Variants in UGDH observed in about 807,000 individuals in gnomAD.
The protein encoded by UGDH is UDP-Glc dehydrogenase.
In UGDH, 38 loss-of-function variants were observed where a neutral mutation model predicts 50.6. The observed-to-expected ratio is 0.75, with a 90% confidence interval of 0.58 to 0.98. The LOEUF is 0.98. Ranked by LOEUF, UGDH falls within the 50% of genes least tolerant of loss-of-function variation. The pLI is 0.00. For missense variants in UGDH, 465 were observed against 606.2 expected, an observed-to-expected ratio of 0.77 and a Z score of 2.45; for synonymous variants, 168 against 199.9, an observed-to-expected ratio of 0.84 and a Z score of 1.35.
chr4:39,514,113 G>A lies in UGDH; in HGVS notation c.234C>T (p.Ala78=), dbSNP rs1746352599. 6.3e-7 allele frequency: 1 copy of A among 1,590,678 alleles called. No homozygotes were observed. The highest frequency in any genetic ancestry group is 1.4e-5 in the African/African-American group (1 of 72,998). ...NLFFSTNIDD[A]IKEADLVFIS... ...TAAATACAAGATCAGCTTCTTTGAT[G>A]GCATCATCAATATTGGTAGAAAAAA... The change falls in exon 3 of 12, where the codon GCC becomes GCT. Residue 78 remains alanine (A), a synonymous_variant. Transcript: ENST00000316423.
Position 39,510,993 on chromosome 4 carries a change from T to G in UGDH, c.265-132A>C. The G allele has an allele frequency of 4.1e-6, 3 of 739,858 alleles. No homozygotes were observed. The South Asian group carries it at 5.5e-5, about 14-fold the overall frequency. 45.8% of individuals were successfully genotyped at this position (739,858 alleles called of 1,614,324 possible). A position where few individuals can be genotyped will look rare whatever the true frequency, so the allele number is the denominator to read the frequency against. On this transcript the variant is annotated intron_variant, in intron 3 of 11. Coordinates refer to ENST00000316423, the MANE Select transcript of UGDH (RefSeq NM_003359.4). The stretch of plus-strand genomic sequence containing the variant: ...CTGATTTAATCCTCTGTTAGTTCCA[T>G]AGAAATAATACATTTTATAAATATA...
In UGDH at chr4:39,498,878, G is replaced by C. The variant is rs1745684842; in HGVS notation, c.*1265C>G. The C allele has an allele frequency of 6.6e-6, 1 of 152,106 alleles. No individual in the cohort carries two copies. The highest frequency in any genetic ancestry group is 2.1e-4 in the South Asian group (1 of 4,828). 9.4% of individuals were successfully genotyped at this position (152,106 alleles called of 1,614,324 possible). ...AAAATTCCTGAAGGATGAGACCTGG[G>C]ATGTTTAATGCAAACTGTACATTCT... On this transcript the variant is annotated 3_prime_UTR_variant, in exon 12 of 12. Transcript: ENST00000316423.
chr4:39,513,205 C>A (rs1578272984), intron 3 of UGDH, among the ~76,000 whole-genome samples: 1 of 152,116 alleles, frequency 6.6e-6, no homozygotes, highest in East Asian at 1.9e-4. Flanking sequence ...GTTACTAGGA[C>A]AGCAAGATGT....
intron 1 of UGDH, among the ~76,000 whole-genome samples, chr4:39,526,053 G>C (rs1260511544): frequency 6.6e-6 from 1 of 152,140 alleles, no homozygotes; most frequent in African/African-American, 2.4e-5. Flanking sequence ...AATCTAAACG[G>C]AATATAATCC....
chr4:39,500,316 G>T, intron 11 of UGDH, 63 bp from the exon 12 acceptor site: 2 of 1,038,260 alleles, frequency 1.9e-6, no homozygotes, highest in Non-Finnish European at 2.8e-6. Flanking sequence ...AATTTATAAT[G>T]TACTGAAATG....
At chr4:39,504,857 C>T (rs895950164) in intron 9 of UGDH, among the ~76,000 whole-genome samples, 3 of 152,140 alleles carry the variant, frequency 2.0e-5, no homozygotes, top group African/African-American at 4.8e-5. Context: ...GATAACTGAA[C>T]CCGTGGAAAG....
At chr4:39,523,105 C>T (rs1746732931) in intron 1 of UGDH, among the ~76,000 whole-genome samples, 1 of 151,994 alleles carries the variant, frequency 6.6e-6, no homozygotes, top group Admixed American at 6.6e-5. Context: ...GGCTGAAGTG[C>T]AGTGGCACCA....
Position 39,510,465 on chromosome 4 carries a change from T to C in UGDH, c.551A>G (p.Glu184Gly). ...CACAGCTCTCTGGCCCTCTGGAGTT[T>C]CATCCCCTCCAATCAGTACTCTGTC... ...NPDRVLIGGDETPEGQRAVQA... is the reference protein window; with the variant it reads ...NPDRVLIGGDGTPEGQRAVQA... The change falls in exon 5 of 12, where the codon GAA becomes GGA. Residue 184 changes from glutamate to glycine, a missense_variant. Physicochemically the swap from Glu to Gly is moderately conservative, Grantham distance 98. Transcript: ENST00000316423. 1 of 1,614,206 alleles carries C rather than the reference T, an allele frequency of 6.2e-7. No homozygotes were observed. Among genetic ancestry groups the C allele is most frequent in the Non-Finnish European group, 8.5e-7 (1 of 1,180,038 alleles).
intron 2 of UGDH, among the ~76,000 whole-genome samples, chr4:39,519,552 A>ATATT (rs1553857746): frequency 1.3e-5 from 2 of 151,632 alleles, no homozygotes; most frequent in African/African-American, 4.8e-5. Context: ...ATATATATAT[A>ATATT]TTTTGAGACG....
chr4:39,514,259 C>T, intron 2 of UGDH, 75 bp from the exon 3 acceptor site: 1 of 1,161,106 alleles, frequency 8.6e-7, no homozygotes, highest in Non-Finnish European at 1.3e-6. Context: ...TATAGAATTA[C>T]ATTTGTTAAA....
At chr4:39,526,991 G>C in intron 1 of UGDH, 1 of 1,287,626 alleles carries the variant, frequency 7.8e-7, no homozygotes, top group African/African-American at 1.5e-5. Flanking sequence ...AGGCGGCAGG[G>C]AAATCTCATC....
chr4:39,518,413 A>G (rs1746516366), intron 2 of UGDH, among the ~76,000 whole-genome samples: 1 of 151,766 alleles, frequency 6.6e-6, no homozygotes, highest in African/African-American at 2.4e-5. Context: ...CAGTGGCGCC[A>G]ACAGGGCTCA....
rs1746836193 is a variant in UGDH at position 39,525,419 on chromosome 4, C to T, written c.-8+1864G>A. ...ATATTGGTCAGGCTGGTCTCGAACT[C>T]CTGACCTCAGGTGATCCATCCACCT... On this transcript the variant is annotated intron_variant, in intron 1 of 11. Coordinates refer to ENST00000316423, the MANE Select transcript of UGDH (RefSeq NM_003359.4). Among the ~76,000 whole-genome samples, 5 of 152,144 alleles carry T rather than the reference C, an allele frequency of 3.3e-5. No homozygotes were observed. The South Asian group carries it at 1.0e-3, about 31-fold the overall frequency.
chr4:39,500,223 T>G lies in UGDH; in HGVS notation c.1405A>C (p.Lys469Gln), dbSNP rs767319348. 1 of 1,600,792 alleles carries G rather than the reference T, an allele frequency of 6.2e-7. No homozygotes were observed. Among genetic ancestry groups the G allele is most frequent in the African/African-American group, 1.3e-5 (1 of 74,628 alleles). Residue 469 changes from lysine to glutamine, a missense_variant, in exon 12 of 12, where the codon AAG becomes CAG. Lys to Gln is a moderately conservative substitution (Grantham distance 53). Transcript: ENST00000316423. The stretch of plus-strand genomic sequence containing the variant: ...CCAGAAGGAGCATATGGAATTCTCT[T>G]TGAAGACACCTTTTTGCCAATTGTT... ...IETIGKKVSS[K>Q]RIPYAPSGEI...
At position 39,527,321 on chromosome 4, in the gene UGDH, C is replaced by G. The variant is rs566081445; in HGVS notation, c.-46G>C. 97 of 289,506 alleles carry G rather than the reference C, an allele frequency of 3.4e-4. 2 individuals carry two copies. Among genetic ancestry groups the G allele is most frequent in the South Asian group, 2.2e-3 (75 of 34,676 alleles). 17.9% of individuals were successfully genotyped at this position (289,506 alleles called of 1,614,324 possible). On this transcript the variant is annotated 5_prime_UTR_variant, in exon 1 of 12. Transcript: ENST00000316423. ...GCAAGCGCAGGGACCGCTCCTATCC[C>G]GATCGTTCGGACAGCACCTTCCTAC...
At chr4:39,520,899 C>T (rs1328960434) in intron 2 of UGDH, among the ~76,000 whole-genome samples, 2 of 151,560 alleles carry the variant, frequency 1.3e-5, no homozygotes, top group African/African-American at 2.4e-5. Context: ...CATGGTGAAA[C>T]CCCACCTCTA....
rs533948065 is a variant in UGDH at position 39,504,518 on chromosome 4, T to C, written c.1172-10A>G. The stretch of plus-strand genomic sequence containing the variant: ...GTCACGAGCCGGGACACTGTAACAA[T>C]AGCAACAACAAAAAAACAGAAATAA... On this transcript the variant is annotated splice_polypyrimidine_tract_variant and intron_variant, in intron 9 of 11. Transcript: ENST00000316423. The C allele has an allele frequency of 6.8e-6, 11 of 1,610,722 alleles. No individual in the cohort carries two copies. The highest frequency in any genetic ancestry group is 5.3e-5 in the African/African-American group (4 of 74,826).
At chr4:39,517,096 G>T (rs1746464709) in intron 2 of UGDH, among the ~76,000 whole-genome samples, 1 of 151,390 alleles carries the variant, frequency 6.6e-6, no homozygotes, top group African/African-American at 2.4e-5. Flanking sequence ...TTTATTAGAA[G>T]AACTCAAATC....
intron 3 of UGDH, among the ~76,000 whole-genome samples, chr4:39,513,315 G>A (rs558343415): frequency 1.9e-4 from 29 of 152,100 alleles, no homozygotes; most frequent in Admixed American, 4.6e-4. Flanking sequence ...CACATTATGA[G>A]GTAAAGGTGT....
Sources: allele counts gnomAD v4.1 joint callset (sites outside exome capture counted in the v4.1 genomes callset), GRCh38; gene constraint gnomAD v4.1.1; transcripts MANE v1.5; gene names NCBI Gene and HGNC (gene_info 2026-07-23, HGNC 2026-07-21).